The following BAALC variants were observed in gnomAD, a reference collection of about 807,000 sequenced individuals.
The protein encoded by BAALC is brain and acute leukemia cytoplasmic protein.
In BAALC, 9 loss-of-function variants were observed where a neutral mutation model predicts 15.5. That is an observed-to-expected ratio of 0.58 (90% CI 0.35 to 1.02). BAALC has a LOEUF of 1.02. Among genes scored for constraint, BAALC ranks in the 50% least tolerant of loss-of-function variants. The pLI, the probability that BAALC is intolerant of heterozygous loss-of-function variation, is 0.02. For synonymous variants in BAALC, 80 were observed against 74.6 expected (o/e 1.07, Z -0.37); for missense variants, 201 against 192.4 (o/e 1.04, Z -0.27).
intron 1 of BAALC, among the ~76,000 whole-genome samples, chr8:103,154,444 A>G (rs2129878897): frequency 6.6e-6 from 1 of 151,912 alleles, no homozygotes; most frequent in South Asian, 2.1e-4. Flanking sequence ...AGTCACTCCC[A>G]CTCCAATCCC....
At chr8:103,214,230 G>C (rs1812511020) in intron 2 of BAALC, among the ~76,000 whole-genome samples, 1 of 152,176 alleles carries the variant, frequency 6.6e-6, no homozygotes, top group Admixed American at 6.5e-5. Flanking sequence ...CCAGTTGAAG[G>C]GTCAGTGATC....
Position 103,184,132 on chromosome 8 carries a change from T to A in BAALC, c.161-28787T>A, listed in dbSNP as rs118029268. Among the ~76,000 whole-genome samples, 4 of 152,330 alleles carry A rather than the reference T, an allele frequency of 2.6e-5. No homozygotes were observed. In the East Asian group the frequency reaches 5.8e-4, roughly 22 times the overall value. On this transcript the variant is annotated intron_variant, in intron 1 of 2. Transcript: ENST00000309982. ...CATCTCTCTGTGCCTTTAAAAACAG[T>A]CATATCTCCTTTGAGTCTCTCTCTT...
intron 1 of BAALC, among the ~76,000 whole-genome samples, chr8:103,210,828 A>G (rs1034205570): frequency 6.6e-6 from 1 of 152,240 alleles, no homozygotes; most frequent in African/African-American, 2.4e-5. Flanking sequence ...GATTTAGGGA[A>G]TATTGCTGTC....
At chr8:103,211,201 A>G (rs1812440754) in intron 1 of BAALC, among the ~76,000 whole-genome samples, 1 of 152,044 alleles carries the variant, frequency 6.6e-6, no homozygotes, top group Admixed American at 6.6e-5. Context: ...CTTCCCCTCA[A>G]TCTTCTCTAG....
chr8:103,212,915 C>G lies in BAALC; in HGVS notation c.161-4C>G, dbSNP rs771405826. The G allele has an allele frequency of 6.2e-7, 1 of 1,611,770 alleles. No homozygotes were observed. Among genetic ancestry groups the G allele is most frequent in the Non-Finnish European group, 8.5e-7 (1 of 1,178,480 alleles). On this transcript the variant is annotated splice_polypyrimidine_tract_variant and splice_region_variant and intron_variant, in intron 1 of 2. Transcript: ENST00000309982. ...TGGTTCCATCCTCTGCTTACCTCCC[C>G]CAGGCATGCTGGAAGATGGACTGCC...
Position 103,212,922 on chromosome 8 carries a change from T to C in BAALC, c.164T>C (p.Met55Thr). 1 of 1,612,688 alleles carries C rather than the reference T, an allele frequency of 6.2e-7. No individual in the cohort carries two copies. Among genetic ancestry groups the C allele is most frequent in the South Asian group, 1.1e-5 (1 of 90,910 alleles). Reference sequence around the variant, plus strand: ...ATCCTCTGCTTACCTCCCCCAGGCATGCTGGAAGATGGACTGCCCTCCAAT... The same window carrying C: ...ATCCTCTGCTTACCTCCCCCAGGCACGCTGGAAGATGGACTGCCCTCCAAT... ...GPEAGGLHSG[M>T]LEDGLPSNGV... The change falls in exon 2 of 3, where the codon ATG becomes ACG. Residue 55 changes from methionine (M) to threonine (T), a missense_variant. Physicochemically the swap from Met to Thr is moderately conservative, Grantham distance 81 (BLOSUM62 -1). Coordinates refer to ENST00000309982, the MANE Select transcript of BAALC (RefSeq NM_024812.3).
intron 1 of BAALC, among the ~76,000 whole-genome samples, chr8:103,188,362 C>T (rs536772017): frequency 1.3e-5 from 2 of 152,252 alleles, no homozygotes; most frequent in East Asian, 1.9e-4. Flanking sequence ...GTGTGACTGG[C>T]TTTGCCCTTG....
At chr8:103,225,392 T>C (rs1812782560) in intron 2 of BAALC, among the ~76,000 whole-genome samples, 1 of 152,328 alleles carries the variant, frequency 6.6e-6, no homozygotes. Flanking sequence ...AAATCACCCA[T>C]AAAGTATGAT....
intron 1 of BAALC, among the ~76,000 whole-genome samples, chr8:103,157,633 C>T (rs962191885): frequency 6.6e-6 from 1 of 152,040 alleles, no homozygotes; most frequent in Non-Finnish European, 1.5e-5. Context: ...TATAGTGAGG[C>T]CTCATCTCTA....
rs188606186 is a variant in BAALC at position 103,170,310 on chromosome 8, G to A, written c.160+29253G>A. 4.0e-5 allele frequency among the ~76,000 whole-genome samples: 6 copies of A among 151,554 alleles called. No homozygotes were observed. In the East Asian group the frequency reaches 5.8e-4, roughly 15 times the overall value. On this transcript the variant is annotated intron_variant, in intron 1 of 2. Transcript: ENST00000309982. Reference sequence around the variant, plus strand: ...TGGTTCTGTTGGTTTTGTATTGGATGGTATACAGAGTAGAATTGTATCCCC... The same window carrying A: ...TGGTTCTGTTGGTTTTGTATTGGATAGTATACAGAGTAGAATTGTATCCCC...
intron 2 of BAALC, among the ~76,000 whole-genome samples, chr8:103,216,292 G>A (rs989792850): frequency 6.6e-5 from 10 of 152,112 alleles, no homozygotes; most frequent in Non-Finnish European, 1.2e-4. Flanking sequence ...TGGAATTGTT[G>A]GGTCACAGGA....
chr8:103,159,366 G>A (rs1265067175), intron 1 of BAALC, among the ~76,000 whole-genome samples: 1 of 152,198 alleles, frequency 6.6e-6, no homozygotes, highest in African/African-American at 2.4e-5. Context: ...AATGGTGATA[G>A]TCTAACATTT....
intron 1 of BAALC, among the ~76,000 whole-genome samples, chr8:103,160,684 G>C (rs1811205108): frequency 6.6e-6 from 1 of 152,056 alleles, no homozygotes; most frequent in Non-Finnish European, 1.5e-5. Flanking sequence ...ATGATCACAA[G>C]GTCCCACAAT....
intron 2 of BAALC, among the ~76,000 whole-genome samples, chr8:103,217,886 GT>G (rs1812594736): frequency 6.6e-6 from 1 of 152,220 alleles, no homozygotes; most frequent in African/African-American, 2.4e-5. Flanking sequence ...GGATCCAGGG[GT>G]AGAAAAGACA....
intron 2 of BAALC, among the ~76,000 whole-genome samples, chr8:103,224,958 C>A (rs1043432770): frequency 3.9e-5 from 6 of 152,116 alleles, no homozygotes; most frequent in African/African-American, 9.7e-5. Flanking sequence ...AAAATCAGAG[C>A]TTAGTCCTCA....
At chr8:103,164,605 A>G (rs117254466) in intron 1 of BAALC, among the ~76,000 whole-genome samples, 3 of 152,274 alleles carry the variant, frequency 2.0e-5, no homozygotes, top group Non-Finnish European at 4.4e-5. Context: ...TGAGTCTTCT[A>G]TTCCTACCAA....
At position 103,147,628 on chromosome 8, in the gene BAALC, C is replaced by A. The variant is rs143555383; in HGVS notation, c.160+6571C>A. On this transcript the variant is annotated intron_variant, in intron 1 of 2. Coordinates refer to ENST00000309982, the MANE Select transcript of BAALC (RefSeq NM_024812.3). Reference sequence around the variant, plus strand: ...CCCTGGGATCTGTGCACCTGTGATCCATAGCATCTTCCTGCTGATAAGGCC... The same window carrying A: ...CCCTGGGATCTGTGCACCTGTGATCAATAGCATCTTCCTGCTGATAAGGCC... Among the ~76,000 whole-genome samples, 176 of 152,218 alleles carry A rather than the reference C, an allele frequency of 1.2e-3. 2 individuals are homozygous for A. The highest frequency in any genetic ancestry group is 4.1e-3 in the African/African-American group (172 of 41,528).
chr8:103,207,761 G>A (rs1812363049), intron 1 of BAALC, among the ~76,000 whole-genome samples: 1 of 152,088 alleles, frequency 6.6e-6, no homozygotes, highest in African/African-American at 2.4e-5. Context: ...GCATATTCTG[G>A]TCTCCTACAC....
chr8:103,144,323 A>G (rs1810839265), intron 1 of BAALC, among the ~76,000 whole-genome samples: 1 of 152,158 alleles, frequency 6.6e-6, no homozygotes, highest in Non-Finnish European at 1.5e-5. Context: ...CCACTACTCA[A>G]TGGAATTGAA....
Sources: allele counts gnomAD v4.1 joint callset (sites outside exome capture counted in the v4.1 genomes callset), GRCh38; gene constraint gnomAD v4.1.1; transcripts MANE v1.5; gene names NCBI Gene and HGNC (gene_info 2026-07-23, HGNC 2026-07-21).